The following AGBL1 variants were observed in gnomAD, a reference collection of about 807,000 sequenced individuals.
AGBL1 encodes cytosolic carboxypeptidase 4.
In AGBL1, 130 loss-of-function variants were observed where a neutral mutation model predicts 118.9. The ratio of observed to expected loss-of-function variants is 1.09; its 90% CI spans 0.95 to 1.26. AGBL1 has a LOEUF of 1.26. Among genes scored for constraint, AGBL1 ranks in the 50% most tolerant of loss-of-function variants. The pLI, the probability that AGBL1 is intolerant of heterozygous loss-of-function variation, is 0.00. For synonymous variants in AGBL1, 555 were observed against 478.9 expected (o/e 1.16, Z -2.08); for missense variants, 1,584 against 1,298.1 (o/e 1.22, Z -3.38).
intron 22 of AGBL1, among the ~76,000 whole-genome samples, chr15:86,777,333 A>G (rs1319867159): frequency 3.9e-5 from 6 of 152,152 alleles, no homozygotes; most frequent in Admixed American, 2.6e-4. Context: ...TATATTACAC[A>G]ATTATATTAA....
chr15:86,220,220 G>C (rs543389760), intron 5 of AGBL1, among the ~76,000 whole-genome samples: 1 of 152,118 alleles, frequency 6.6e-6, no homozygotes, highest in African/African-American at 2.4e-5. Context: ...CCAAAGTGCT[G>C]GGATTACAGG....
intron 23 of AGBL1, among the ~76,000 whole-genome samples, chr15:86,943,310 A>T (rs927583248): frequency 6.6e-6 from 1 of 152,210 alleles, no homozygotes; most frequent in African/African-American, 2.4e-5. Flanking sequence ...ATATCCTGAC[A>T]TAGAAGACAT....
At position 86,401,823 on chromosome 15, in the gene AGBL1, C is replaced by A. The variant is rs143344233; in HGVS notation, c.2555+4277C>A. On this transcript the variant is annotated intron_variant, in intron 18 of 22. Coordinates refer to ENST00000614907, the MANE Select transcript of AGBL1 (RefSeq NM_001386094.1). ...ATTGGTCTACATGCCTATTTTTATG[C>A]TAGCACCGTGCTGTTTTGGTAACTA... Among the ~76,000 whole-genome samples, 731 of 152,250 alleles carry A rather than the reference C, an allele frequency of 4.8e-3. 4 individuals carry two copies. Among genetic ancestry groups the A allele is most frequent in the African/African-American group, 0.017 (697 of 41,556 alleles).
chr15:86,433,263 C>CTTTTT (rs1292975189), intron 18 of AGBL1, among the ~76,000 whole-genome samples: 16 of 54,972 alleles, frequency 2.9e-4, no homozygotes, highest in South Asian at 6.7e-4. Context: ...CCTCCTCCTT[C>CTTTTT]TTCTTTTTTT....
At chr15:86,224,370 T>C (rs914916412) in intron 5 of AGBL1, among the ~76,000 whole-genome samples, 1 of 152,172 alleles carries the variant, frequency 6.6e-6, no homozygotes, top group Non-Finnish European at 1.5e-5. Flanking sequence ...GGAATGAATT[T>C]GGAAGAAAAA....
intron 21 of AGBL1, among the ~76,000 whole-genome samples, chr15:86,629,838 A>C (rs2084938275): frequency 6.6e-6 from 1 of 152,202 alleles, no homozygotes; most frequent in African/African-American, 2.4e-5. Flanking sequence ...TCATTGCTAA[A>C]AGGAAAAAAA....
chr15:86,116,928 C>T (rs368436368), intron 1 of AGBL1, among the ~76,000 whole-genome samples: 33 of 151,774 alleles, frequency 2.2e-4, no homozygotes, highest in African/African-American at 7.5e-4. Flanking sequence ...CATCTGGCCT[C>T]AGAAACACCT....
chr15:86,271,512 C>T, intron 14 of AGBL1, 107 bp from the exon 15 acceptor site: 1 of 848,064 alleles, frequency 1.2e-6, no homozygotes, highest in Admixed American at 1.9e-5. Context: ...ATATAGTTAA[C>T]AGTCACAGTT....
intron 17 of AGBL1, among the ~76,000 whole-genome samples, chr15:86,385,449 A>G (rs2141968581): frequency 6.6e-6 from 1 of 152,344 alleles, no homozygotes; most frequent in East Asian, 1.9e-4. Flanking sequence ...TTGGAGCAGA[A>G]TCTGCATTTC....
At chr15:87,016,446 T>A (rs1367394726) in intron 24 of AGBL1, among the ~76,000 whole-genome samples, 2 of 152,178 alleles carry the variant, frequency 1.3e-5, no homozygotes, top group African/African-American at 4.8e-5. Context: ...GGTGCAAAGA[T>A]GTTCCCAACA....
chr15:86,284,577 G>A (rs1305666099), intron 16 of AGBL1, among the ~76,000 whole-genome samples: 2 of 152,148 alleles, frequency 1.3e-5, no homozygotes, highest in Non-Finnish European at 2.9e-5. Flanking sequence ...ATTCTCTGAT[G>A]AGTGTATTTA....
At chr15:86,207,583 G>A (rs1280547656) in intron 5 of AGBL1, among the ~76,000 whole-genome samples, 3 of 152,118 alleles carry the variant, frequency 2.0e-5, no homozygotes, top group Non-Finnish European at 4.4e-5. Context: ...AATTATGAAT[G>A]GGAGTTCACT....
At chr15:86,302,416 G>A (rs534145575) in intron 17 of AGBL1, among the ~76,000 whole-genome samples, 2 of 152,062 alleles carry the variant, frequency 1.3e-5, no homozygotes, top group Non-Finnish European at 2.9e-5. Flanking sequence ...GAGAAATGGG[G>A]GCAATGTCTT....
At chr15:86,089,201 G>T (rs559816274) in intron 1 of AGBL1, among the ~76,000 whole-genome samples, 1 of 152,262 alleles carries the variant, frequency 6.6e-6, no homozygotes, top group African/African-American at 2.4e-5. Flanking sequence ...GCTTGCTTGT[G>T]ACTGTTGACT....
intron 24 of AGBL1, among the ~76,000 whole-genome samples, chr15:86,990,646 GC>G (rs1481475945): frequency 6.6e-6 from 1 of 152,208 alleles, no homozygotes; most frequent in African/African-American, 2.4e-5. Context: ...TCATTTCACA[GC>G]TTCAACAGGT....
At chr15:86,879,970 G>C (rs2079867337) in intron 22 of AGBL1, among the ~76,000 whole-genome samples, 1 of 152,162 alleles carries the variant, frequency 6.6e-6, no homozygotes. Flanking sequence ...GCAAATAGCA[G>C]ATGCAGGAGA....
intron 22 of AGBL1, among the ~76,000 whole-genome samples, chr15:86,906,512 CCATT>C (rs918152292): frequency 4.6e-5 from 7 of 152,284 alleles, no homozygotes; most frequent in East Asian, 1.9e-4. Context: ...CTACTATAAA[CCATT>C]CATCATGATG....
intron 17 of AGBL1, among the ~76,000 whole-genome samples, chr15:86,374,008 G>A (rs979532646): frequency 6.6e-6 from 1 of 152,146 alleles, no homozygotes; most frequent in Non-Finnish European, 1.5e-5. Context: ...AATGAAAGTT[G>A]ACCGTCATAC....
At chr15:87,001,473 G>A (rs6496383) in intron 24 of AGBL1, among the ~76,000 whole-genome samples, 15,115 of 151,946 alleles carry the variant, frequency 0.099, 1,419 homozygotes, top group African/African-American at 0.24. Flanking sequence ...AGCATGATTT[G>A]TATTCCTTTG....
Sources: allele counts gnomAD v4.1 joint callset (sites outside exome capture counted in the v4.1 genomes callset), GRCh38; gene constraint gnomAD v4.1.1; transcripts MANE v1.5; gene names NCBI Gene and HGNC (gene_info 2026-07-23, HGNC 2026-07-21).